GRIA4: variants seen among roughly 807,000 people sequenced by gnomAD.
The protein encoded by GRIA4 is glutamate ionotropic receptor AMPA type subunit 4.
In GRIA4, 34 loss-of-function variants were observed where a neutral mutation model predicts 104.0. The ratio of observed to expected loss-of-function variants is 0.33; its 90% confidence interval spans 0.25 to 0.44. The LOEUF is 0.44. Ranked by LOEUF, GRIA4 falls within the 20% of genes least tolerant of loss-of-function variation. The pLI is 1.00. For missense variants in GRIA4, 750 were observed against 1,096.5 expected (o/e 0.68, Z 4.46); for synonymous variants, 386 against 381.9 (o/e 1.01, Z -0.13).
Position 105,981,222 on chromosome 11 carries a change from T to C in GRIA4, c.*1483T>C, listed in dbSNP as rs894340949. ...TGGTTCATTTGAAATAATAAATAAGTACTCTAATACAGATAAAAATCATGT... is the reference window on the plus strand; with the variant it reads ...TGGTTCATTTGAAATAATAAATAAGCACTCTAATACAGATAAAAATCATGT... On this transcript the variant is annotated 3_prime_UTR_variant, in exon 17 of 17. Coordinates refer to ENST00000282499, the MANE Select transcript of GRIA4 (RefSeq NM_000829.4). 1.3e-5 allele frequency: 2 copies of C among 152,636 alleles called. No individual in the cohort carries two copies. The highest frequency in any genetic ancestry group is 6.5e-5 in the Admixed American group (1 of 15,282). 9.5% of individuals were successfully genotyped at this position (152,636 alleles called of 1,614,324 possible).
intron 13 of GRIA4, among the ~76,000 whole-genome samples, chr11:105,929,153 C>A (rs552726541): frequency 6.6e-6 from 1 of 152,156 alleles, no homozygotes; most frequent in African/African-American, 2.4e-5. Flanking sequence ...TGCTTCCCTC[C>A]TCTCCCATAC....
chr11:105,612,745 T>C, intron 3 of GRIA4: 1 of 239,328 alleles, frequency 4.2e-6, no homozygotes, highest in South Asian at 1.4e-4. Flanking sequence ...TTAGTGTTAT[T>C]CCTATCATCC....
chr11:105,840,595 G>A (rs1944355870), intron 4 of GRIA4, among the ~76,000 whole-genome samples: 1 of 152,182 alleles, frequency 6.6e-6, no homozygotes, highest in African/African-American at 2.4e-5. Flanking sequence ...ACAGTGCCAT[G>A]CTGTCATAGA....
At chr11:105,784,766 A>G (rs1423426155) in intron 4 of GRIA4, among the ~76,000 whole-genome samples, 1 of 152,238 alleles carries the variant, frequency 6.6e-6, no homozygotes, top group Admixed American at 6.5e-5. Context: ...TTTTGTGGGC[A>G]TAAATAAGAT....
At chr11:105,612,497 T>C in intron 3 of GRIA4, 63 bp downstream of exon 3, 9 of 1,266,152 alleles carry the variant, frequency 7.1e-6, no homozygotes, top group Non-Finnish European at 1.0e-5. Flanking sequence ...GGAGTCCTCT[T>C]CCTCTTTGTT....
At chr11:105,735,038 A>T (rs956252971) in intron 3 of GRIA4, among the ~76,000 whole-genome samples, 2 of 152,178 alleles carry the variant, frequency 1.3e-5, no homozygotes, top group Non-Finnish European at 2.9e-5. Flanking sequence ...ATCATGTAAC[A>T]TGCTTTACTT....
Position 105,971,965 on chromosome 11 carries a change from C to G in GRIA4, c.2346C>G (p.Asp782Glu). ...AACTCAGTGAGGCAGGCGTCTTAGA[C>G]AAGCTGAAAAACAAATGGTGGTACG... Reference protein sequence around the residue: ...VLKLSEAGVLDKLKNKWWYDK... With the variant: ...VLKLSEAGVLEKLKNKWWYDK... The change falls in exon 15 of 17, where the codon GAC (aspartate) becomes GAG (glutamate). Residue 782 changes from aspartate to glutamate, a missense_variant. This residue lies in a region of GRIA4 where 272 missense variants were observed against 524.5 expected (regional missense o/e 0.52). Transcript: ENST00000282499. The G allele has an allele frequency of 6.2e-7, 1 of 1,612,990 alleles. No homozygotes were observed. The highest frequency in any genetic ancestry group is 8.5e-7 in the Non-Finnish European group (1 of 1,179,204).
chr11:105,809,801 T>A (rs1278396957), intron 4 of GRIA4, among the ~76,000 whole-genome samples: 1 of 152,134 alleles, frequency 6.6e-6, no homozygotes, highest in East Asian at 1.9e-4. Context: ...TATAGCAGTG[T>A]GAGAATGGAC....
At chr11:105,788,565 A>T (rs934571876) in intron 4 of GRIA4, among the ~76,000 whole-genome samples, 1 of 152,198 alleles carries the variant, frequency 6.6e-6, no homozygotes, top group Admixed American at 6.6e-5. Context: ...TGCAGCCAGA[A>T]AAAAAGAACA....
In GRIA4 at chr11:105,694,559, T is replaced by A. The variant is rs532768614; in HGVS notation, c.248-58422T>A. Among the ~76,000 whole-genome samples the A allele has an allele frequency of 1.2e-3, 188 of 152,228 alleles. 2 individuals are homozygous for A. The highest frequency in any genetic ancestry group is 1.8e-3 in the Non-Finnish European group (124 of 67,998). On this transcript the variant is annotated intron_variant, in intron 3 of 16. Transcript: ENST00000282499. ...TAAATATTATTAATTATTTTATTAA[T>A]ACATTCTTTAAAATCTTCAAAATCT...
chr11:105,743,654 A>T (rs1939464443), intron 3 of GRIA4, among the ~76,000 whole-genome samples: 1 of 152,032 alleles, frequency 6.6e-6, no homozygotes, highest in Non-Finnish European at 1.5e-5. Flanking sequence ...GACACCTGGG[A>T]CCTCAAACTC....
chr11:105,891,648 C>A (rs561428991), intron 6 of GRIA4, among the ~76,000 whole-genome samples: 2 of 152,156 alleles, frequency 1.3e-5, no homozygotes, highest in African/African-American at 2.4e-5. Flanking sequence ...GTTACAATTA[C>A]GTCTAGAAAG....
chr11:105,747,194 TG>T (rs1381877588), intron 3 of GRIA4, among the ~76,000 whole-genome samples: 1 of 152,094 alleles, frequency 6.6e-6, no homozygotes, highest in Non-Finnish European at 1.5e-5. Context: ...AAAAACATAT[TG>T]GAATAATTGG....
At chr11:105,924,796 C>G (rs369001433) in intron 12 of GRIA4, 27 bp downstream of exon 12, 200 of 1,504,410 alleles carry the variant, frequency 1.3e-4, no homozygotes, top group Non-Finnish European at 1.7e-4. Context: ...TTAAGTTCTT[C>G]ACTGATTTCC....
rs117251015 is a variant in GRIA4, at chr11:105,884,095, G to C, written c.673-3424G>C. Among the ~76,000 whole-genome samples, 538 of 152,230 alleles carry C rather than the reference G, an allele frequency of 3.5e-3. 2 individuals carry two copies. The highest frequency in any genetic ancestry group is 6.8e-3 in the Middle Eastern group (2 of 292). On this transcript the variant is annotated intron_variant, in intron 5 of 16. Transcript: ENST00000282499. Reference sequence around the variant, plus strand: ...TTCTTTCAAAAATATAAAATATGCAGATTGTCTTCCCCTACATTTTTCTGT... The same window carrying C: ...TTCTTTCAAAAATATAAAATATGCACATTGTCTTCCCCTACATTTTTCTGT...
intron 3 of GRIA4, among the ~76,000 whole-genome samples, chr11:105,694,095 G>T (rs1953184898): frequency 6.6e-6 from 1 of 151,886 alleles, no homozygotes; most frequent in Admixed American, 6.6e-5. Context: ...AACTAGCCCT[G>T]TCCAATAGAA....
intron 4 of GRIA4, among the ~76,000 whole-genome samples, chr11:105,778,750 G>C (rs1941571237): frequency 6.6e-6 from 1 of 152,028 alleles, no homozygotes; most frequent in Non-Finnish European, 1.5e-5. Context: ...CATTATTAAA[G>C]ATTAAATCAG....
intron 3 of GRIA4, among the ~76,000 whole-genome samples, chr11:105,744,008 T>C (rs191819805): frequency 1.6e-4 from 24 of 152,334 alleles, no homozygotes; most frequent in Admixed American, 4.6e-4. Flanking sequence ...CTGGTTTGTA[T>C]GTCTTTAATT....
intron 3 of GRIA4, among the ~76,000 whole-genome samples, chr11:105,638,267 A>G (rs1453917573): frequency 1.3e-5 from 2 of 152,152 alleles, no homozygotes; most frequent in Admixed American, 1.3e-4. Flanking sequence ...GCTGATAGGA[A>G]CAGTGAAAGA....
Sources: gnomAD v4.1 joint callset for allele counts (sites outside exome capture counted in the v4.1 genomes callset) on GRCh38, gnomAD v4.1.1 for gene constraint, gnomAD v4.1.1 regional missense constraint, MANE v1.5 for transcripts, NCBI Gene and HGNC (gene_info 2026-07-23, HGNC 2026-07-21) for gene names.